Variants in CUTC observed in about 807,000 individuals in gnomAD.
The protein encoded by CUTC is cutC copper transporter, also known as copper homeostasis protein cutC homolog.
In CUTC, 27 loss-of-function variants were observed where a neutral mutation model predicts 36.2. The observed-to-expected ratio is 0.75, with a 90% confidence interval of 0.55 to 1.03. CUTC has a LOEUF of 1.03. CUTC is among the 50% of genes least tolerant of loss of function. The probability of loss-of-function intolerance (pLI) is 0.00; values close to 1 mark genes in which losing one functional copy is unlikely to be tolerated. For synonymous variants in CUTC, 114 were observed against 118.3 expected, an observed-to-expected ratio of 0.96 and a Z score of 0.24; for missense variants, 315 against 343.5, an observed-to-expected ratio of 0.92 and a Z score of 0.66.
At chr10:99,748,630 C>T (rs1204174489) in intron 6 of CUTC, among the ~76,000 whole-genome samples, 1 of 152,004 alleles carries the variant, frequency 6.6e-6, no homozygotes, top group East Asian at 1.9e-4. Flanking sequence ...TATAGGAGTA[C>T]ATTGGAGAGG....
At chr10:99,753,984 A>G (rs1051416242) in intron 7 of CUTC, among the ~76,000 whole-genome samples, 1 of 152,242 alleles carries the variant, frequency 6.6e-6, no homozygotes, top group African/African-American at 2.4e-5. Flanking sequence ...ATCAAAACAA[A>G]TGTCATAAAA....
At chr10:99,743,477 A>G in intron 4 of CUTC, 115 bp downstream of exon 4, 1 of 896,840 alleles carries the variant, frequency 1.1e-6, no homozygotes, top group East Asian at 2.5e-5. Flanking sequence ...AGACACTTAT[A>G]CTAACCTAAG....
chr10:99,738,007 G>A (rs1006586070), intron 2 of CUTC, among the ~76,000 whole-genome samples: 8 of 152,122 alleles, frequency 5.3e-5, no homozygotes, highest in East Asian at 1.9e-4. Flanking sequence ...TTAGCTGGGC[G>A]TGGTAGTGCA....
intron 3 of CUTC, among the ~76,000 whole-genome samples, chr10:99,741,611 C>T (rs2037341532): frequency 6.6e-6 from 1 of 152,002 alleles, no homozygotes; most frequent in East Asian, 1.9e-4. Context: ...GTTGTCCAGG[C>T]TTGACTGAAG....
intron 3 of CUTC, among the ~76,000 whole-genome samples, chr10:99,741,040 G>A (rs1002506268): frequency 2.7e-4 from 41 of 152,110 alleles, no homozygotes; most frequent in African/African-American, 8.9e-4. Context: ...TCAGTTCTGG[G>A]TTTGTTTCAT....
intron 1 of CUTC, 42 bp downstream of exon 1, chr10:99,732,451 C>A (rs1312504580): frequency 1.9e-6 from 3 of 1,547,908 alleles, no homozygotes; most frequent in Middle Eastern, 2.1e-4. Context: ...GCCGAAGGCT[C>A]CCCGGGGCGG....
At chr10:99,754,394 G>T in intron 7 of CUTC, 135 bp from the exon 8 acceptor site, 1 of 674,734 alleles carries the variant, frequency 1.5e-6, no homozygotes. Flanking sequence ...TTCTAGCTGG[G>T]TAGGGAGAGA....
chr10:99,745,665 T>A (rs1325618864), intron 5 of CUTC, among the ~76,000 whole-genome samples: 1 of 152,186 alleles, frequency 6.6e-6, no homozygotes, highest in Non-Finnish European at 1.5e-5. Flanking sequence ...GAGACCATCC[T>A]GGCCAACATG....
In CUTC at chr10:99,754,811, T is replaced by C. The variant is rs74796723; in HGVS notation, c.707+177T>C. 1.9e-3 allele frequency among the ~76,000 whole-genome samples: 291 copies of C among 152,336 alleles called. 1 individual carries two copies. The highest frequency in any genetic ancestry group is 3.2e-3 in the Non-Finnish European group (218 of 68,030). On this transcript the variant is annotated intron_variant, in intron 8 of 8. Transcript: ENST00000370476. ...TTCTAAAATGGTTCTTGTCCTGTCT[T>C]AAATAAACAGGCTCTTTGAACATAG... is the stretch of plus-strand genomic sequence containing the variant.
chr10:99,736,376 A>C, intron 2 of CUTC, 59 bp downstream of exon 2: 1 of 1,276,306 alleles, frequency 7.8e-7, no homozygotes, highest in Non-Finnish European at 1.1e-6. Flanking sequence ...CTGAAAATTA[A>C]TCCTGTGTGC....
chr10:99,741,481 C>G (rs1037616494), intron 3 of CUTC, among the ~76,000 whole-genome samples: 3 of 152,286 alleles, frequency 2.0e-5, no homozygotes, highest in African/African-American at 4.8e-5. Context: ...CTGCAGACCT[C>G]CAGAGTTATC....
intron 3 of CUTC, among the ~76,000 whole-genome samples, chr10:99,741,638 C>A (rs753365821): frequency 2.6e-5 from 4 of 152,096 alleles, no homozygotes; most frequent in Non-Finnish European, 5.9e-5. Flanking sequence ...GACCATAGCT[C>A]CCTACAGCCT....
At position 99,739,751 on chromosome 10, in the gene CUTC, G is replaced by A. The variant is rs765473294; in HGVS notation, c.175G>A (p.Gly59Arg). The change falls in exon 3 of 9, where the codon GGA (glycine) becomes AGA (arginine). Residue 59 changes from glycine (G) to arginine (R), a missense_variant. Coordinates refer to ENST00000370476, the MANE Select transcript of CUTC (RefSeq NM_015960.3). ...IELCSGLSEG[G>R]TTPSMGVLQV... ...ATTATGTTCTGGTTTATCAGAGGGGGGAACTACACCCAGCATGGGTAAGTG... is the reference window on the plus strand; with the variant it reads ...ATTATGTTCTGGTTTATCAGAGGGGAGAACTACACCCAGCATGGGTAAGTG... 70 of 1,610,660 alleles carry A rather than the reference G, an allele frequency of 4.3e-5. No homozygotes were observed. The South Asian group carries it at 7.1e-4, about 16-fold the overall frequency.
chr10:99,741,973 G>A (rs1285243801), intron 3 of CUTC, among the ~76,000 whole-genome samples: 1 of 152,042 alleles, frequency 6.6e-6, no homozygotes, highest in Non-Finnish European at 1.5e-5. Context: ...ATAAACTCTA[G>A]CTACTTCAGT....
chr10:99,746,896 C>T (rs1022789924), intron 5 of CUTC, among the ~76,000 whole-genome samples: 14 of 152,170 alleles, frequency 9.2e-5, no homozygotes, highest in African/African-American at 3.4e-4. Flanking sequence ...CTCAGCCTCT[C>T]GAGTAGCTGG....
chr10:99,754,339 C>T (rs2037439696), intron 7 of CUTC, among the ~76,000 whole-genome samples, 190 bp from the exon 8 acceptor site: 1 of 152,096 alleles, frequency 6.6e-6, no homozygotes, highest in African/African-American at 2.4e-5. Flanking sequence ...TGGTACTTCC[C>T]CAGAGTCTGT....
At chr10:99,734,770 GC>G (rs1430888952) in intron 1 of CUTC, among the ~76,000 whole-genome samples, 1 of 152,070 alleles carries the variant, frequency 6.6e-6, no homozygotes, top group African/African-American at 2.4e-5. Flanking sequence ...TAGATACTGT[GC>G]TTGGTGTGGG....
intron 7 of CUTC, among the ~76,000 whole-genome samples, chr10:99,751,870 A>C (rs962640917): frequency 2.0e-5 from 3 of 152,176 alleles, no homozygotes; most frequent in African/African-American, 7.2e-5. Context: ...AATAAAATAA[A>C]AGTTTGGATC....
rs764632709 is a variant in CUTC, at chr10:99,755,663, C to G, written c.746C>G (p.Ser249Ter). 1 of 1,613,794 alleles carries G rather than the reference C, an allele frequency of 6.2e-7. No individual in the cohort carries two copies. Among genetic ancestry groups the G allele is most frequent in the Non-Finnish European group, 8.5e-7 (1 of 1,179,768 alleles). Residue 249 changes from serine (S) to a stop codon, truncating the protein, a stop_gained, in exon 9 of 9, where the codon TCA becomes TGA. Transcript: ENST00000370476. LOFTEE classifies it high-confidence loss of function. Reference protein sequence around the residue: ...SVAMGASLSCSEYSLKVTDVT... With the variant: ...SVAMGASLSC ...GCCATGGGAGCCTCACTTTCTTGCTCAGAATATTCCCTAAAGGTAACAGAT... is the reference window on the plus strand; with the variant it reads ...GCCATGGGAGCCTCACTTTCTTGCTGAGAATATTCCCTAAAGGTAACAGAT...
Sources: gnomAD v4.1 joint callset for allele counts (sites outside exome capture counted in the v4.1 genomes callset) on GRCh38, gnomAD v4.1.1 for gene constraint, MANE v1.5 for transcripts, NCBI Gene and HGNC (gene_info 2026-07-23, HGNC 2026-07-21) for gene names.